Variants in TBC1D19 observed in about 807,000 individuals in gnomAD.
TBC1D19 encodes the protein TBC1 domain family member 19, also known as TBC1 domain family, member 19.
Under a neutral mutation model 89.0 loss-of-function variants are expected in TBC1D19, and 60 were observed. The ratio of observed to expected loss-of-function variants is 0.67; its 90% CI spans 0.55 to 0.84. The LOEUF (loss-of-function observed/expected upper bound fraction) is 0.84, where lower values mean the gene tolerates loss of function less well. Ranked by LOEUF, TBC1D19 falls within the 40% of genes least tolerant of loss-of-function variation. The probability of loss-of-function intolerance (pLI) is 0.00; values close to 1 mark genes in which losing one functional copy is unlikely to be tolerated. For missense variants in TBC1D19, 500 were observed against 610.8 expected, an observed-to-expected ratio of 0.82 and a Z score of 1.91; for synonymous variants, 189 against 199.7, an observed-to-expected ratio of 0.95 and a Z score of 0.45.
chr4:26,650,751 C>A (rs1039572799), intron 7 of TBC1D19, among the ~76,000 whole-genome samples: 25 of 152,262 alleles, frequency 1.6e-4, no homozygotes, highest in Admixed American at 3.9e-4. Context: ...GCTTTTGTTG[C>A]CATTGCTTTT....
downstream of TBC1D19, among the ~76,000 whole-genome samples, chr4:26,756,643 A>G (rs146181504): frequency 6.6e-6 from 1 of 152,168 alleles, no homozygotes; most frequent in Admixed American, 6.5e-5. Context: ...AGAAAATACT[A>G]TATTTGAAAG....
At chr4:26,663,554 G>A (rs951725305) in intron 8 of TBC1D19, among the ~76,000 whole-genome samples, 1 of 152,184 alleles carries the variant, frequency 6.6e-6, no homozygotes, top group African/African-American at 2.4e-5. Context: ...GTGTGAATGA[G>A]ACTACTATGT....
At chr4:26,758,614 A>T (rs187848086), downstream of TBC1D19, among the ~76,000 whole-genome samples, 23 of 152,328 alleles carry the variant, frequency 1.5e-4, no homozygotes, top group East Asian at 3.9e-3. Flanking sequence ...GGGAAGCTGG[A>T]TATGAAAATG....
At chr4:26,838,471 T>C in the TBC1D19 span, among the ~76,000 whole-genome samples, 1 of 152,138 alleles carries the variant, frequency 6.6e-6, no homozygotes, top group African/African-American at 2.4e-5. Context: ...ATAAAAGAAT[T>C]ATACAATTTT....
At chr4:26,734,945 T>TGTAC (rs1373077941) in intron 15 of TBC1D19, among the ~76,000 whole-genome samples, 19 of 58,914 alleles carry the variant, frequency 3.2e-4, no homozygotes, top group African/African-American at 7.7e-4. Context: ...TGTATATATG[T>TGTAC]ATACACATAT....
the TBC1D19 span, among the ~76,000 whole-genome samples, chr4:26,846,140 C>A: frequency 6.6e-6 from 1 of 152,176 alleles, no homozygotes; most frequent in Non-Finnish European, 1.5e-5. Flanking sequence ...TAAATCTACA[C>A]CACATTTCAT....
At chr4:26,639,338 G>C (rs1035288091) in intron 6 of TBC1D19, among the ~76,000 whole-genome samples, 1 of 152,058 alleles carries the variant, frequency 6.6e-6, no homozygotes, top group African/African-American at 2.4e-5. Context: ...GGGATTACAG[G>C]TGTGAGCCAC....
chr4:26,822,535 A>G, the TBC1D19 span, among the ~76,000 whole-genome samples: 3 of 151,964 alleles, frequency 2.0e-5, no homozygotes, highest in Admixed American at 6.6e-5. Flanking sequence ...TTTTTGAAAA[A>G]TCCTGTTTTT....
intron 4 of TBC1D19, among the ~76,000 whole-genome samples, chr4:26,629,906 A>G (rs1742695652): frequency 1.3e-5 from 2 of 151,784 alleles, no homozygotes; most frequent in Non-Finnish European, 2.9e-5. Flanking sequence ...AAGAAAATAT[A>G]TTAATATTGG....
intron 13 of TBC1D19, among the ~76,000 whole-genome samples, chr4:26,700,850 C>T (rs1179897398): frequency 6.6e-6 from 1 of 152,160 alleles, no homozygotes; most frequent in East Asian, 1.9e-4. Context: ...ATGCTGGCCA[C>T]CCCTGCTTTT....
the TBC1D19 span, among the ~76,000 whole-genome samples, chr4:26,818,499 G>A: frequency 1.3e-5 from 2 of 152,076 alleles, no homozygotes; most frequent in South Asian, 2.1e-4. Context: ...CAAACAGTCC[G>A]CCTGCCTTGG....
At chr4:26,643,151 T>C (rs1743665519) in intron 7 of TBC1D19, among the ~76,000 whole-genome samples, 1 of 152,186 alleles carries the variant, frequency 6.6e-6, no homozygotes, top group Admixed American at 6.5e-5. Flanking sequence ...ATCGCACTTA[T>C]TTCAAAATTG....
chr4:26,582,422 CT>C (rs1739107387), upstream of TBC1D19, among the ~76,000 whole-genome samples: 1 of 152,156 alleles, frequency 6.6e-6, no homozygotes, highest in Non-Finnish European at 1.5e-5. Flanking sequence ...CAGCTTCATC[CT>C]TCCCTTCAAC....
intron 7 of TBC1D19, among the ~76,000 whole-genome samples, chr4:26,640,893 G>A (rs1436790983): frequency 1.3e-5 from 2 of 152,326 alleles, no homozygotes; most frequent in Admixed American, 6.5e-5. Flanking sequence ...ACAAAGTGGC[G>A]GGAAGCTCGA....
At chr4:26,639,323 G>A (rs1743337640) in intron 6 of TBC1D19, among the ~76,000 whole-genome samples, 2 of 152,192 alleles carry the variant, frequency 1.3e-5, no homozygotes, top group South Asian at 4.2e-4. Context: ...GCCTCCCAAA[G>A]TGCTGGGATT....
chr4:26,717,890 T>C, intron 13 of TBC1D19, 43 bp from the exon 14 acceptor site: 1 of 1,488,176 alleles, frequency 6.7e-7, no homozygotes, highest in Non-Finnish European at 9.4e-7. Context: ...CCTGGTTTTA[T>C]AATAGTGCTT....
downstream of TBC1D19, among the ~76,000 whole-genome samples, chr4:26,760,101 A>G (rs558845231): frequency 2.8e-4 from 42 of 152,162 alleles, no homozygotes; most frequent in Non-Finnish European, 5.6e-4. Flanking sequence ...GTGTTTCCCA[A>G]TCCTTACTAC....
At chr4:26,672,695 A>G (rs1423080116) in intron 10 of TBC1D19, among the ~76,000 whole-genome samples, 1 of 151,950 alleles carries the variant, frequency 6.6e-6, no homozygotes, top group Non-Finnish European at 1.5e-5. Context: ...CCTTGTTTTT[A>G]TAAATCCTTT....
chr4:26,821,723 A>G, the TBC1D19 span, among the ~76,000 whole-genome samples: 1 of 152,182 alleles, frequency 6.6e-6, no homozygotes, highest in Admixed American at 6.5e-5. Context: ...TGTGCCAGGG[A>G]GTCAGAAGCC....
Sources: allele counts gnomAD v4.1 joint callset (sites outside exome capture counted in the v4.1 genomes callset), GRCh38; gene constraint gnomAD v4.1.1; transcripts MANE v1.5; gene names NCBI Gene and HGNC (gene_info 2026-07-23, HGNC 2026-07-21).